Variants in SLC25A33 observed in about 807,000 individuals in gnomAD.
The protein encoded by SLC25A33 is bone marrow stromal cell mitochondrial carrier protein.
In SLC25A33, 15 loss-of-function variants were observed where a neutral mutation model predicts 35.5. The ratio of observed to expected loss-of-function variants is 0.42; its 90% CI spans 0.28 to 0.65. The LOEUF (loss-of-function observed/expected upper bound fraction) is 0.65. Ranked by LOEUF, SLC25A33 falls within the 30% of genes least tolerant of loss-of-function variation. SLC25A33 has a pLI of 0.20. For synonymous variants in SLC25A33, 136 were observed against 148.7 expected (o/e 0.91, Z 0.62); for missense variants, 257 against 398.5 (o/e 0.64, Z 3.02).
chr1:9,573,401 G>T lies in SLC25A33; in HGVS notation c.471G>T (p.Gln157His). 6.2e-7 allele frequency: 1 copy of T among 1,611,410 alleles called. No homozygotes were observed. The highest frequency in any genetic ancestry group is 8.5e-7 in the Non-Finnish European group (1 of 1,178,934). ...TATGGATGGTTAAAACCCGAATGCA[G>T]CTAGAACAGAAGTAAGTTATTATTT... The part of the protein sequence containing the change: ...NPIWMVKTRM[Q>H]LEQKVRGSKQ... Residue 157 changes from glutamine (Q) to histidine (H), a missense_variant, in exon 5 of 7, where the codon CAG (glutamine) becomes CAT (histidine). Physicochemically the swap from Gln to His is conservative, Grantham distance 24. Transcript: ENST00000302692.
intron 5 of SLC25A33, among the ~76,000 whole-genome samples, chr1:9,579,715 G>A (rs1478221929): frequency 2.0e-5 from 3 of 152,166 alleles, no homozygotes; most frequent in South Asian, 4.1e-4. Flanking sequence ...GACCAACAAG[G>A]TAAGGACATT....
Position 9,566,027 on chromosome 1 carries a change from C to T in SLC25A33, c.237-1257C>T, listed in dbSNP as rs372208097. Among the ~76,000 whole-genome samples the T allele has an allele frequency of 7.7e-4, 117 of 152,114 alleles. No homozygotes were observed. The Middle Eastern group carries it at 0.01, about 13-fold the overall frequency. On this transcript the variant is annotated intron_variant, in intron 2 of 6. Transcript: ENST00000302692. ...CTATTCCTTAAATTCTGCCCTCCCC[C>T]GCCAACTTTTTTTTTGTTTTTAATT...
At chr1:9,557,044 C>T (rs954047672) in intron 2 of SLC25A33, among the ~76,000 whole-genome samples, 1 of 152,186 alleles carries the variant, frequency 6.6e-6, no homozygotes, top group Non-Finnish European at 1.5e-5. Context: ...AGCGATTCTC[C>T]TTCCTCAGCC....
chr1:9,580,661 G>T (rs145596029), intron 6 of SLC25A33, among the ~76,000 whole-genome samples: 306 of 152,072 alleles, frequency 2.0e-3, no homozygotes, highest in African/African-American at 7.2e-3. Context: ...ATTGAGACCA[G>T]CCTGGCCAAC....
chr1:9,543,226 C>T (rs1434685517), intron 1 of SLC25A33, among the ~76,000 whole-genome samples: 1 of 152,118 alleles, frequency 6.6e-6, no homozygotes, highest in Non-Finnish European at 1.5e-5. Flanking sequence ...TCACTGCAAC[C>T]TCTACCTCCT....
intron 2 of SLC25A33, among the ~76,000 whole-genome samples, chr1:9,556,628 T>TA (rs1305518921): frequency 6.6e-6 from 1 of 152,006 alleles, no homozygotes; most frequent in Admixed American, 6.6e-5. Context: ...TATGGCTTTC[T>TA]AATCTCCAGT....
chr1:9,539,829 G>A, intron 1 of SLC25A33, 82 bp downstream of exon 1: 1 of 1,206,902 alleles, frequency 8.3e-7, no homozygotes. Flanking sequence ...CCAGCCTCCC[G>A]CGGCGGTTAC....
chr1:9,561,801 C>G (rs1189535590), intron 2 of SLC25A33, among the ~76,000 whole-genome samples: 1 of 152,070 alleles, frequency 6.6e-6, no homozygotes, highest in African/African-American at 2.4e-5. Context: ...CAGAGAGGAT[C>G]TAAACTTTAC....
intron 1 of SLC25A33, among the ~76,000 whole-genome samples, chr1:9,552,772 G>C (rs959670716): frequency 1.3e-5 from 2 of 152,054 alleles, no homozygotes; most frequent in Admixed American, 6.6e-5. Context: ...TGATGAAGCA[G>C]GTGCATAATT....
At chr1:9,557,213 G>A (rs1186080301) in intron 2 of SLC25A33, among the ~76,000 whole-genome samples, 3 of 152,198 alleles carry the variant, frequency 2.0e-5, no homozygotes, top group Admixed American at 6.5e-5. Context: ...GATTACAGGC[G>A]TGAGCCACTG....
intron 5 of SLC25A33, among the ~76,000 whole-genome samples, chr1:9,579,483 G>C (rs1314162181): frequency 6.6e-6 from 1 of 152,070 alleles, no homozygotes; most frequent in Non-Finnish European, 1.5e-5. Flanking sequence ...TTACTGGTTT[G>C]TTATAGAGGA....
chr1:9,553,230 G>GTTTTTTTTTT (rs1340250968), intron 1 of SLC25A33, among the ~76,000 whole-genome samples: 14 of 91,230 alleles, frequency 1.5e-4, no homozygotes, highest in Non-Finnish European at 2.2e-4. Context: ...TTTTTTTTGG[G>GTTTTTTTTTT]TTTTTTTTTT....
At chr1:9,549,226 G>T (rs188608990) in intron 1 of SLC25A33, among the ~76,000 whole-genome samples, 6 of 152,214 alleles carry the variant, frequency 3.9e-5, no homozygotes, top group Non-Finnish European at 5.9e-5. Context: ...ATGTCAAGGA[G>T]CATGGGGACC....
chr1:9,577,766 C>T (rs1643682984), intron 5 of SLC25A33, among the ~76,000 whole-genome samples: 1 of 152,030 alleles, frequency 6.6e-6, no homozygotes. Flanking sequence ...AGTTTGGAGA[C>T]ATTTGAAGTT....
chr1:9,558,001 G>A (rs956435398), intron 2 of SLC25A33, among the ~76,000 whole-genome samples: 5 of 152,142 alleles, frequency 3.3e-5, no homozygotes, highest in Admixed American at 6.6e-5. Flanking sequence ...ATACACTTAC[G>A]AAGAAAACTC....
At chr1:9,561,735 C>T (rs1177573307) in intron 2 of SLC25A33, among the ~76,000 whole-genome samples, 3 of 151,918 alleles carry the variant, frequency 2.0e-5, no homozygotes, top group African/African-American at 7.3e-5. Context: ...CCAGAGATTC[C>T]CTTAATTGTG....
intron 3 of SLC25A33, among the ~76,000 whole-genome samples, chr1:9,569,150 C>G (rs1257497750): frequency 6.6e-6 from 1 of 150,558 alleles, no homozygotes; most frequent in South Asian, 2.1e-4. Context: ...GAGGCTGAGG[C>G]AGGAGAATGG....
At chr1:9,540,847 CTTGTA>C (rs1368587696) in intron 1 of SLC25A33, among the ~76,000 whole-genome samples, 1 of 152,150 alleles carries the variant, frequency 6.6e-6, no homozygotes, top group Non-Finnish European at 1.5e-5. Flanking sequence ...TTTTTTTGTA[CTTGTA>C]TTGTGGGCAG....
rs1415541019 is a variant in SLC25A33, at chr1:9,582,734, G to A, written c.*233G>A. 5 of 509,622 alleles carry A rather than the reference G, an allele frequency of 9.8e-6. No individual in the cohort carries two copies. Among genetic ancestry groups the A allele is most frequent in the Non-Finnish European group, 1.7e-5 (5 of 290,574 alleles). The allele number at this position is 509,622 out of a possible 1,614,324, so 31.6% of individuals were successfully genotyped here. A position where few individuals can be genotyped will look rare whatever the true frequency, so the allele number is the denominator to read the frequency against. The stretch of plus-strand genomic sequence containing the variant: ...TTAACTTAAGAGGATTCAGGGTTAA[G>A]CACCAACTAAATTAAATCATGCTAT... On this transcript the variant is annotated 3_prime_UTR_variant, in exon 7 of 7. Coordinates refer to ENST00000302692, the MANE Select transcript of SLC25A33 (RefSeq NM_032315.3). The surrounding 1 kb of genome is among the most constrained non-coding windows in gnomAD (Gnocchi z 4.0).
Sources: gnomAD v4.1 joint callset for allele counts (sites outside exome capture counted in the v4.1 genomes callset) on GRCh38, gnomAD v4.1.1 for gene constraint, Gnocchi (gnomAD v3.1) non-coding constraint, MANE v1.5 for transcripts, NCBI Gene and HGNC (gene_info 2026-07-23, HGNC 2026-07-21) for gene names.